The following SLC24A3 variants were observed in gnomAD, a reference collection of about 807,000 sequenced individuals.
SLC24A3 encodes the protein sodium/potassium/calcium exchanger 3.
Under a neutral mutation model 75.8 loss-of-function variants are expected in SLC24A3, and 28 were observed. The ratio of observed to expected loss-of-function variants is 0.37; its 90% CI spans 0.27 to 0.51. SLC24A3 has a LOEUF of 0.51. Ranked by LOEUF, SLC24A3 falls within the 20% of genes least tolerant of loss-of-function variation. SLC24A3 has a pLI of 0.94. For synonymous variants in SLC24A3, 372 were observed against 334.1 expected (o/e 1.11, Z -1.24); for missense variants, 663 against 847.8 (o/e 0.78, Z 2.71).
intron 2 of SLC24A3, among the ~76,000 whole-genome samples, chr20:19,455,122 A>T (rs1987556571): frequency 6.6e-6 from 1 of 152,170 alleles, no homozygotes; most frequent in South Asian, 2.1e-4. Flanking sequence ...GAATGGAGTC[A>T]CCATTATTGG....
At chr20:19,402,600 A>G (rs1986571899) in intron 2 of SLC24A3, among the ~76,000 whole-genome samples, 1 of 152,222 alleles carries the variant, frequency 6.6e-6, no homozygotes, top group Non-Finnish European at 1.5e-5. Context: ...ATAACAACAA[A>G]CAGAACATTT....
intron 2 of SLC24A3, among the ~76,000 whole-genome samples, chr20:19,381,185 A>C (rs1192943370): frequency 6.6e-6 from 1 of 152,216 alleles, no homozygotes; most frequent in Non-Finnish European, 1.5e-5. Flanking sequence ...TCATTGTTTC[A>C]GTGAATGTTT....
At chr20:19,711,066 C>T (rs1212244770) in intron 15 of SLC24A3, among the ~76,000 whole-genome samples, 1 of 144,336 alleles carries the variant, frequency 6.9e-6, no homozygotes, top group Non-Finnish European at 1.5e-5. Context: ...CACATGCATG[C>T]ACACATGCAG....
At chr20:19,579,128 G>A (rs1049992707) in intron 3 of SLC24A3, among the ~76,000 whole-genome samples, 2 of 152,194 alleles carry the variant, frequency 1.3e-5, no homozygotes, top group African/African-American at 4.8e-5. Context: ...CTGGAGAAAA[G>A]GATAGGGTCA....
At chr20:19,317,306 A>G (rs1308354402) in intron 2 of SLC24A3, among the ~76,000 whole-genome samples, 1 of 152,244 alleles carries the variant, frequency 6.6e-6, no homozygotes, top group Non-Finnish European at 1.5e-5. Flanking sequence ...CAAGGAAAGC[A>G]AAAATTGAGT....
intron 1 of SLC24A3, among the ~76,000 whole-genome samples, chr20:19,231,784 T>A (rs1347394849): frequency 6.6e-6 from 1 of 152,238 alleles, no homozygotes; most frequent in Non-Finnish European, 1.5e-5. Context: ...TTGGCCATGG[T>A]CTAACTCTCT....
intron 6 of SLC24A3, among the ~76,000 whole-genome samples, chr20:19,594,555 A>G (rs2031425619): frequency 1.3e-5 from 2 of 152,270 alleles, no homozygotes; most frequent in Admixed American, 6.5e-5. Context: ...ACAAATGTTT[A>G]CTGAGAGCCT....
chr20:19,420,237 A>C (rs1249360724), intron 2 of SLC24A3, among the ~76,000 whole-genome samples: 1 of 40,250 alleles, frequency 2.5e-5, no homozygotes, highest in Non-Finnish European at 4.5e-5. Context: ...ATTGTTGGAC[A>C]TTTGGGTTGG....
At chr20:19,556,284 T>G (rs1008469888) in intron 3 of SLC24A3, among the ~76,000 whole-genome samples, 18 of 152,188 alleles carry the variant, frequency 1.2e-4, no homozygotes, top group Non-Finnish European at 1.5e-4. Context: ...CTTCTCTATG[T>G]GCCTTAGGCA....
At chr20:19,567,933 C>A (rs1225728764) in intron 3 of SLC24A3, among the ~76,000 whole-genome samples, 1 of 152,050 alleles carries the variant, frequency 6.6e-6, no homozygotes, top group Non-Finnish European at 1.5e-5. Context: ...TACAAGCCAA[C>A]AACCAAAAAA....
At chr20:19,329,257 G>A (rs995791376) in intron 2 of SLC24A3, among the ~76,000 whole-genome samples, 20 of 152,186 alleles carry the variant, frequency 1.3e-4, no homozygotes, top group East Asian at 1.2e-3. Flanking sequence ...GAAATAAAAC[G>A]AAAGTATAAT....
intron 3 of SLC24A3, among the ~76,000 whole-genome samples, chr20:19,521,506 C>T (rs978513776): frequency 3.3e-5 from 5 of 152,110 alleles, no homozygotes; most frequent in African/African-American, 1.2e-4. Flanking sequence ...TGGATGTGTT[C>T]TTGAAGGAGC....
rs533340672 is a variant in SLC24A3, at chr20:19,605,821, G to A, written c.612+20277G>A. On this transcript the variant is annotated intron_variant, in intron 6 of 16. Coordinates refer to ENST00000328041, the MANE Select transcript of SLC24A3 (RefSeq NM_020689.4). Reference sequence around the variant, plus strand: ...AAAGAAAAACAAATTATACCTATCAGACTGCTTTTTTTCCCTAACTCCTCC... The same window carrying A: ...AAAGAAAAACAAATTATACCTATCAAACTGCTTTTTTTCCCTAACTCCTCC... 1.1e-4 allele frequency among the ~76,000 whole-genome samples: 16 copies of A among 152,264 alleles called. 1 individual carries two copies. The highest frequency in any genetic ancestry group is 3.9e-4 in the African/African-American group (16 of 41,548).
At chr20:19,319,946 G>A (rs1488972641) in intron 2 of SLC24A3, among the ~76,000 whole-genome samples, 5 of 152,196 alleles carry the variant, frequency 3.3e-5, no homozygotes, top group Non-Finnish European at 7.3e-5. Flanking sequence ...CAAGCATGGG[G>A]AGGTCGCAGA....
chr20:19,617,762 G>C (rs2031754309), intron 6 of SLC24A3, among the ~76,000 whole-genome samples: 1 of 152,092 alleles, frequency 6.6e-6, no homozygotes, highest in Non-Finnish European at 1.5e-5. Context: ...GTTTCTGCCT[G>C]TCACAGCAGC....
chr20:19,693,377 T>G lies in SLC24A3; in HGVS notation c.1443T>G (p.Ala481=). ...AGAAATGGTTCATGGTGACGTTTGCTTCCTCCACGCTGTGGATCGCAGCCT... is the reference window on the plus strand; with the variant it reads ...AGAAATGGTTCATGGTGACGTTTGCGTCCTCCACGCTGTGGATCGCAGCCT... ...RWEKWFMVTF[A]SSTLWIAAFS... is the part of the protein sequence containing the mutation. Residue 481 remains alanine, a synonymous_variant, in exon 13 of 17, where the codon GCT becomes GCG. Coordinates refer to ENST00000328041, the MANE Select transcript of SLC24A3 (RefSeq NM_020689.4). 1 of 1,614,196 alleles carries G rather than the reference T, an allele frequency of 6.2e-7. No individual in the cohort carries two copies. Among genetic ancestry groups the G allele is most frequent in the Non-Finnish European group, 8.5e-7 (1 of 1,180,036 alleles).
intron 1 of SLC24A3, among the ~76,000 whole-genome samples, chr20:19,256,175 A>G (rs1982808454): frequency 6.6e-6 from 1 of 152,160 alleles, no homozygotes; most frequent in African/African-American, 2.4e-5. Context: ...GCACTGATGC[A>G]TGCTGCAACA....
In SLC24A3 at chr20:19,710,011, A is replaced by G. The variant is rs532616450; in HGVS notation, c.1720-7517A>G. ...TTACCTCATTTAATTGTTCAAACAAAGAGATTGCCACCCAGTGATATTTTA... is the reference window on the plus strand; with the variant it reads ...TTACCTCATTTAATTGTTCAAACAAGGAGATTGCCACCCAGTGATATTTTA... On this transcript the variant is annotated intron_variant, in intron 15 of 16. Coordinates refer to ENST00000328041, the MANE Select transcript of SLC24A3 (RefSeq NM_020689.4). 2.6e-5 allele frequency among the ~76,000 whole-genome samples: 4 copies of G among 152,358 alleles called. No homozygotes were observed. The East Asian group carries it at 7.7e-4, about 29-fold the overall frequency.
At chr20:19,262,998 C>A (rs1983040760) in intron 1 of SLC24A3, among the ~76,000 whole-genome samples, 1 of 150,638 alleles carries the variant, frequency 6.6e-6, no homozygotes, top group South Asian at 2.1e-4. Context: ...CCCCTTTGTT[C>A]CTAGAATCCC....
Sources: gnomAD v4.1 joint callset for allele counts (sites outside exome capture counted in the v4.1 genomes callset) on GRCh38, gnomAD v4.1.1 for gene constraint, MANE v1.5 for transcripts, NCBI Gene and HGNC (gene_info 2026-07-23, HGNC 2026-07-21) for gene names.